Variants in RYR1 observed in about 807,000 individuals in gnomAD.
RYR1 encodes ryanodine receptor 1.
In RYR1, 342 loss-of-function variants were observed where a neutral mutation model predicts 583.5. That is an observed-to-expected ratio of 0.59 (90% confidence interval 0.54 to 0.64). The LOEUF (loss-of-function observed/expected upper bound fraction) is 0.64, where lower values mean the gene tolerates loss of function less well. Among genes scored for constraint, RYR1 ranks in the 30% least tolerant of loss-of-function variants. The pLI is 0.00. For synonymous variants in RYR1, 2,791 were observed against 2,822.5 expected, an observed-to-expected ratio of 0.99 and a Z score of 0.35; for missense variants, 6,032 against 6,917.2, an observed-to-expected ratio of 0.87 and a Z score of 4.54.
chr19:38,492,365 A>AAAT, intron 37 of RYR1, 125 bp from the exon 38 acceptor site: 1 of 1,058,100 alleles, frequency 9.5e-7, no homozygotes, highest in Non-Finnish European at 1.4e-6. Flanking sequence ...TGTCTCAAAA[A>AAAT]AAAAAAAAAA....
intron 7 of RYR1, 152 bp from the exon 8 acceptor site, chr19:38,446,320 A>G: frequency 1.5e-6 from 1 of 689,638 alleles, no homozygotes; most frequent in Non-Finnish European, 2.6e-6. Flanking sequence ...TTGGCCTGAA[A>G]ATACCCTGAA....
Position 38,502,959 on chromosome 19 carries a change from A to C in RYR1, c.7915A>C (p.Met2639Leu), listed in dbSNP as rs1048429895. 6.8e-6 allele frequency: 11 copies of C among 1,609,582 alleles called. No individual in the cohort carries two copies. The highest frequency in any genetic ancestry group is 9.3e-6 in the Non-Finnish European group (11 of 1,179,994). The change falls in exon 49 of 106, where the codon ATG (methionine) becomes CTG (leucine). Residue 2639 changes from methionine (M) to leucine (L), a missense_variant. Physicochemically the swap from Met to Leu is conservative, Grantham distance 15. Coordinates refer to ENST00000359596, the MANE Select transcript of RYR1 (RefSeq NM_000540.3). ...GCCCATCCTCAACGAGTTCGCCAAG[A>C]TGCCACTCAAGGTGAGGGCAAGCGC... ...DVPILNEFAK[M>L]PLKLLTNHYE...
chr19:38,537,784 G>C, intron 83 of RYR1, 96 bp from the exon 84 acceptor site: 1 of 1,121,798 alleles, frequency 8.9e-7, no homozygotes, highest in Non-Finnish European at 1.4e-6. Context: ...CATGCTTTGT[G>C]CATGCGTGTG....
chr19:38,510,794 T>C lies in RYR1; in HGVS notation c.9122+13T>C, dbSNP rs777698752. ...AAATGATCACCAGGTGGGCCGCCTG[T>C]GACCCTGGACCCAGCCCCCTGACCT... On this transcript the variant is annotated intron_variant, in intron 60 of 105. Transcript: ENST00000359596. 4 of 1,614,144 alleles carry C rather than the reference T, an allele frequency of 2.5e-6. No homozygotes were observed. In the East Asian group the frequency reaches 8.9e-5, roughly 36 times the overall value.
In RYR1 at chr19:38,494,556, G is replaced by T. The variant is rs1969716005; in HGVS notation, c.6479G>T (p.Gly2160Val). The T allele has an allele frequency of 6.2e-7, 1 of 1,614,102 alleles. No individual in the cohort carries two copies. Residue 2160 changes from glycine to valine, a missense_variant, in exon 39 of 106, where the codon GGC becomes GTC. This residue lies in a region of RYR1 where 2,627 missense variants were observed against 2,961.3 expected (regional missense o/e 0.89). Coordinates refer to ENST00000359596, the MANE Select transcript of RYR1 (RefSeq NM_000540.3). ...EDTMSLLECL[G>V]QIRSLLIVQM... ...ACCATGAGCCTGCTCGAGTGCCTCGGCCAGATCCGCTCGCTGCTCATCGTG... is the reference window on the plus strand; with the variant it reads ...ACCATGAGCCTGCTCGAGTGCCTCGTCCAGATCCGCTCGCTGCTCATCGTG...
At chr19:38,567,380 C>T (rs189253170) in intron 92 of RYR1, among the ~76,000 whole-genome samples, 253 of 152,192 alleles carry the variant, frequency 1.7e-3, no homozygotes, top group Admixed American at 4.2e-3. Context: ...CATCTAACTG[C>T]CAGGCCTTCG....
intron 33 of RYR1, among the ~76,000 whole-genome samples, chr19:38,484,973 A>C (rs573529889): frequency 6.6e-6 from 1 of 152,122 alleles, no homozygotes; most frequent in East Asian, 1.9e-4. Context: ...CCCATCACTA[A>C]ACAACAACAA....
chr19:38,538,013 G>A (rs527944245), intron 84 of RYR1, 53 bp downstream of exon 84: 12 of 1,562,826 alleles, frequency 7.7e-6, no homozygotes, highest in African/African-American at 5.4e-5. Flanking sequence ...GGGCTGGTAC[G>A]GAAGGGTTGA....
chr19:38,437,941 C>T (rs534765707), intron 1 of RYR1, among the ~76,000 whole-genome samples: 4 of 150,928 alleles, frequency 2.7e-5, no homozygotes, highest in Non-Finnish European at 4.4e-5. Flanking sequence ...GAGCTATGAT[C>T]GTACCACTGC....
chr19:38,560,819 G>C (rs894882281), intron 89 of RYR1, among the ~76,000 whole-genome samples: 8 of 150,916 alleles, frequency 5.3e-5, no homozygotes, highest in African/African-American at 1.9e-4. Context: ...AGGAGTTTGA[G>C]ACCAGCCTTG....
chr19:38,578,407 C>G (rs774984053), intron 99 of RYR1, among the ~76,000 whole-genome samples: 8 of 152,062 alleles, frequency 5.3e-5, no homozygotes, highest in Admixed American at 2.6e-4. Flanking sequence ...TTTTAAATAG[C>G]TGGGATTGGG....
chr19:38,532,898 G>A (rs959089401), intron 78 of RYR1, among the ~76,000 whole-genome samples, 162 bp downstream of exon 78: 1 of 152,128 alleles, frequency 6.6e-6, no homozygotes, highest in Non-Finnish European at 1.5e-5. Flanking sequence ...CTAACACCAC[G>A]GAGTGTACAC....
rs1321260327 is a variant in RYR1, at chr19:38,478,530, G to T, written c.4550G>T (p.Cys1517Phe). The T allele has an allele frequency of 1.1e-5, 17 of 1,614,144 alleles. No individual in the cohort carries two copies. The highest frequency in any genetic ancestry group is 1.4e-5 in the Non-Finnish European group (17 of 1,180,038). The change falls in exon 31 of 106, where the codon TGC becomes TTC. Residue 1517 changes from cysteine to phenylalanine, a missense_variant. Physicochemically the swap from Cys to Phe is radical, Grantham distance 205. This residue lies in a region of RYR1 where 2,627 missense variants were observed against 2,961.3 expected (regional missense o/e 0.89). Coordinates refer to ENST00000359596, the MANE Select transcript of RYR1 (RefSeq NM_000540.3). ...RISHTDLVIGCLVDLATGLMT... is the reference protein window; with the variant it reads ...RISHTDLVIGFLVDLATGLMT... ...AGCCACACGGACCTTGTCATTGGGTGCCTGGTGGACTTGGCCACTGGCTTA... is the reference window on the plus strand; with the variant it reads ...AGCCACACGGACCTTGTCATTGGGTTCCTGGTGGACTTGGCCACTGGCTTA...
Position 38,565,660 on chromosome 19 carries a change from TGGG to T in RYR1, c.13329_13331del (p.Gly4444del), listed in dbSNP as rs1973382310. On this transcript the variant is annotated inframe_deletion, in exon 91 of 106. Coordinates refer to ENST00000359596, the MANE Select transcript of RYR1 (RefSeq NM_000540.3). This position sits in a 1 kb window ranked among gnomAD's most constrained non-coding sequence, Gnocchi z 4.7. ...CCGACGGGGCGGTGGCCGTGACCGA[TGGG>T]GGCCCCTTCCGGCCCGAAGGGGCTG... 1.4e-6 allele frequency: 2 copies of T among 1,385,340 alleles called. No homozygotes were observed. Among genetic ancestry groups the T allele is most frequent in the African/African-American group, 3.1e-5 (2 of 64,978 alleles). The allele number at this position is 1,385,340 out of a possible 1,614,324, so 85.8% of individuals were successfully genotyped here.
chr19:38,492,360 C>T (rs946365816), intron 37 of RYR1, 130 bp from the exon 38 acceptor site: 14 of 727,696 alleles, frequency 1.9e-5, no homozygotes, highest in Non-Finnish European at 2.7e-5. Context: ...GACACTGTCT[C>T]AAAAAAAAAA....
At position 38,561,006 on chromosome 19, in the gene RYR1, A is replaced by T; in HGVS notation, c.12283-107A>T. 9.8e-7 allele frequency: 1 copy of T among 1,024,548 alleles called. No individual in the cohort carries two copies. The highest frequency in any genetic ancestry group is 1.4e-6 in the Non-Finnish European group (1 of 692,912). The allele number at this position is 1,024,548 out of a possible 1,614,324, so 63.5% of individuals were successfully genotyped here. ...GGTTGAGCTGTGATTGCGCCACTGC[A>T]CTCCAGCCTGGGCGACACAGCGAGA... On this transcript the variant is annotated intron_variant, in intron 89 of 105. Coordinates refer to ENST00000359596, the MANE Select transcript of RYR1 (RefSeq NM_000540.3). The surrounding 1 kb of genome is among the most constrained non-coding windows in gnomAD (Gnocchi z 4.8).
rs531243502 is a variant in RYR1, at chr19:38,486,250, C to T, written c.5547+48C>T. ...CTCTGTCCCATTCTTCTCCCACATT[C>T]CCAAAACTCCAGAGATACATGCATC... On this transcript the variant is annotated intron_variant, in intron 34 of 105. Coordinates refer to ENST00000359596, the MANE Select transcript of RYR1 (RefSeq NM_000540.3). 20 of 1,611,558 alleles carry T rather than the reference C, an allele frequency of 1.2e-5. No individual in the cohort carries two copies. The South Asian group carries it at 2.2e-4, about 18-fold the overall frequency.
At position 38,516,147 on chromosome 19, in the gene RYR1, C is replaced by A; in HGVS notation, c.9615C>A (p.Phe3205Leu). ...TGGCAGCAGCCATGCCGGTGGCGTT[C>A]CTGGAGCCGCAGCTGAACGAGTACA... ...ARLAAAMPVA[F>L]LEPQLNEYNA... Residue 3205 changes from phenylalanine to leucine, a missense_variant, in exon 65 of 106, where the codon TTC becomes TTA. Around this residue, in one of 11 missense-constraint regions of RYR1, gnomAD observed 1,493 missense variants for 1,715.5 expected, o/e 0.87. Transcript: ENST00000359596. 6.4e-7 allele frequency: 1 copy of A among 1,554,272 alleles called. No individual in the cohort carries two copies. The highest frequency in any genetic ancestry group is 8.7e-7 in the Non-Finnish European group (1 of 1,148,932).
At chr19:38,505,202 C>A in intron 52 of RYR1, 107 bp from the exon 53 acceptor site, 2 of 1,188,342 alleles carry the variant, frequency 1.7e-6, no homozygotes, top group Non-Finnish European at 2.5e-6. Flanking sequence ...AGACCCTTAG[C>A]TTGTTCTGGG....
Sources: gnomAD v4.1 joint callset for allele counts (sites outside exome capture counted in the v4.1 genomes callset) on GRCh38, gnomAD v4.1.1 for gene constraint, gnomAD v4.1.1 regional missense constraint, Gnocchi (gnomAD v3.1) non-coding constraint, MANE v1.5 for transcripts, NCBI Gene and HGNC (gene_info 2026-07-23, HGNC 2026-07-21) for gene names.